The following MTERF4 variants were observed in gnomAD, a reference collection of about 807,000 sequenced individuals.
MTERF4 encodes mitochondrial transcription termination factor 4.
A neutral mutation model predicts 22.5 loss-of-function variants in MTERF4; 17 were observed. That is an observed-to-expected ratio of 0.75 (90% confidence interval 0.52 to 1.13). The LOEUF is 1.13. MTERF4 is among the 50% of genes most tolerant of loss of function. The pLI is 0.00. For synonymous variants in MTERF4, 165 were observed against 175.3 expected, an observed-to-expected ratio of 0.94 and a Z score of 0.47; for missense variants, 420 against 466.8, an observed-to-expected ratio of 0.90 and a Z score of 0.92.
downstream of MTERF4, among the ~76,000 whole-genome samples, chr2:241,070,469 G>C (rs1262185800): frequency 2.0e-5 from 3 of 152,264 alleles, no homozygotes; most frequent in East Asian, 5.8e-4. Flanking sequence ...GTAGATCCCA[G>C]ACAGGCCGAG....
At chr2:241,064,569 C>T in the MTERF4 span, among the ~76,000 whole-genome samples, 1 of 152,178 alleles carries the variant, frequency 6.6e-6, no homozygotes, top group Admixed American at 6.5e-5. The surrounding 1 kb of genome is among the most constrained non-coding windows in gnomAD (Gnocchi z 7.0). Flanking sequence ...GCAGGACTGT[C>T]ACTGGGGTGG....
Position 241,073,108 on chromosome 2 carries a change from G to A in MTERF4, n.3054C>T. The A allele has an allele frequency of 1.7e-6, 1 of 601,556 alleles. No homozygotes were observed. The allele number at this position is 601,556 out of a possible 1,614,324, so 37.3% of individuals were successfully genotyped here. A position where few individuals can be genotyped will look rare whatever the true frequency, so the allele number is the denominator to read the frequency against. On this transcript the variant is annotated non_coding_transcript_exon_variant, in exon 5 of 5. Coordinates refer to the MTERF4 transcript ENST00000464344. The surrounding 1 kb of genome is among the most constrained non-coding windows in gnomAD (Gnocchi z 6.6). ...TGAGGCCAGCCCTTCAGGGGAGGCA[G>A]CTCTGGGGCCGACAGGTGCTGGGGC...
chr2:241,078,453 C>T (rs58581774), intron 4 of MTERF4, among the ~76,000 whole-genome samples: 50,987 of 150,956 alleles, frequency 0.34, 9,436 homozygotes, highest in African/African-American at 0.46. Context: ...CAATGGAACA[C>T]GATTCAACCA....
rs779826815 is a variant in MTERF4 at position 241,096,102 on chromosome 2, C to T, written c.1042G>A (p.Glu348Lys). ...SLDEDEDDDD[E>K]EDNDEDDNDE... ...TTGTCATCCTCATCATTGTCCTCCT[C>T]ATCATCGTCATCCTCATCCTCATCC... Residue 348 changes from glutamate (E) to lysine (K), a missense_variant, in exon 4 of 4, where the codon GAG (glutamate) becomes AAG (lysine). Glu to Lys is a moderately conservative substitution (Grantham distance 56). Coordinates refer to ENST00000391980, the MANE Select transcript of MTERF4 (RefSeq NM_182501.4). This position sits in a 1 kb window ranked among gnomAD's most constrained non-coding sequence, Gnocchi z 5.1. 34 of 1,603,780 alleles carry T rather than the reference C, an allele frequency of 2.1e-5. 1 individual carries two copies. The South Asian group carries it at 3.5e-4, about 17-fold the overall frequency.
the MTERF4 span, among the ~76,000 whole-genome samples, chr2:241,059,382 G>A: frequency 6.6e-6 from 1 of 152,122 alleles, no homozygotes; most frequent in South Asian, 2.1e-4. Context: ...AATCTAGGAG[G>A]GAAGAACACT....
chr2:241,073,477 T>TC lies in MTERF4; in HGVS notation n.2684_2685insG. 3.4e-6 allele frequency: 3 copies of TC among 872,318 alleles called. No individual in the cohort carries two copies. The highest frequency in any genetic ancestry group is 5.6e-6 in the Non-Finnish European group (3 of 531,550). The allele number at this position is 872,318 out of a possible 1,614,324, so 54.0% of individuals were successfully genotyped here. On this transcript the variant is annotated non_coding_transcript_exon_variant, in exon 5 of 5. Transcript: ENST00000464344. This position sits in a 1 kb window ranked among gnomAD's most constrained non-coding sequence, Gnocchi z 6.6. ...GTGAGGAATCAGGAGGCACAGAGCC[T>TC]ACCTGAGGGGAGGCTGAGCACCAGG... is the stretch of plus-strand genomic sequence containing the variant.
chr2:241,073,247 A>T lies in MTERF4; in HGVS notation n.2915T>A. On this transcript the variant is annotated non_coding_transcript_exon_variant, in exon 5 of 5. Coordinates refer to the MTERF4 transcript ENST00000464344. The surrounding 1 kb of genome is among the most constrained non-coding windows in gnomAD (Gnocchi z 6.6). ...TGCAAAGCAGCTGCGCCGTGTGGTC[A>T]CCGCCTGGCTTCTCCTAGAACCCAC... is the stretch of plus-strand genomic sequence containing the variant. The T allele has an allele frequency of 6.5e-7, 1 of 1,544,866 alleles. No homozygotes were observed. Among genetic ancestry groups the T allele is most frequent in the Non-Finnish European group, 8.8e-7 (1 of 1,141,566 alleles).
chr2:241,048,349 C>T, the MTERF4 span: 1 of 1,611,016 alleles, frequency 6.2e-7, no homozygotes, highest in Non-Finnish European at 8.5e-7. Context: ...GCCTCTCGGC[C>T]CCTTGCCACA....
At chr2:241,080,367 T>C (rs1416376276) in intron 4 of MTERF4, among the ~76,000 whole-genome samples, 1 of 152,212 alleles carries the variant, frequency 6.6e-6, no homozygotes, top group Non-Finnish European at 1.5e-5. Flanking sequence ...AATGTGTTTA[T>C]TTTTTAAAGA....
At chr2:241,080,248 C>A (rs1011830542) in intron 4 of MTERF4, among the ~76,000 whole-genome samples, 2 of 152,204 alleles carry the variant, frequency 1.3e-5, no homozygotes, top group Non-Finnish European at 2.9e-5. Context: ...CGCGACACTG[C>A]ACTCCAGCCT....
chr2:241,078,642 G>A (rs1233436265), intron 4 of MTERF4, among the ~76,000 whole-genome samples: 2 of 151,764 alleles, frequency 1.3e-5, no homozygotes, highest in Non-Finnish European at 2.9e-5. Context: ...GGAGGGTGGA[G>A]GGGATGGGGA....
Position 241,073,468 on chromosome 2 carries a change from C to T in MTERF4, n.2694G>A, listed in dbSNP as rs1230490416. ...CCACCCACGGTGAGGAATCAGGAGG[C>T]ACAGAGCCTACCTGAGGGGAGGCTG... On this transcript the variant is annotated non_coding_transcript_exon_variant, in exon 5 of 5. Transcript: ENST00000464344. The surrounding 1 kb of genome is among the most constrained non-coding windows in gnomAD (Gnocchi z 6.6). 1 of 949,074 alleles carries T rather than the reference C, an allele frequency of 1.1e-6. No homozygotes were observed. Among genetic ancestry groups the T allele is most frequent in the Non-Finnish European group, 1.7e-6 (1 of 599,630 alleles). 58.8% of individuals were successfully genotyped at this position (949,074 alleles called of 1,614,324 possible).
chr2:241,088,465 C>T, downstream of MTERF4: 1 of 1,360,008 alleles, frequency 7.4e-7, no homozygotes, highest in Non-Finnish European at 1.1e-6. Context: ...GGCGACTGCC[C>T]AGCCCCGGGA....
the MTERF4 span, among the ~76,000 whole-genome samples, chr2:241,056,580 A>ATT: frequency 1.3e-4 from 14 of 111,218 alleles, 1 homozygote; most frequent in Non-Finnish European, 1.5e-4. Context: ...AATAAGTGAA[A>ATT]TTTTTTTTTT....
the MTERF4 span, among the ~76,000 whole-genome samples, chr2:241,055,516 A>G: frequency 6.6e-6 from 1 of 152,210 alleles, no homozygotes; most frequent in Non-Finnish European, 1.5e-5. Flanking sequence ...GTCACAGAAT[A>G]CCACCACTGT....
At chr2:241,089,249 T>C, downstream of MTERF4, 2 of 1,514,102 alleles carry the variant, frequency 1.3e-6, no homozygotes, top group Non-Finnish European at 1.8e-6. Flanking sequence ...CTAGGACAGC[T>C]TTGCTCTTCC....
downstream of MTERF4, chr2:241,088,179 C>A: frequency 1.7e-6 from 1 of 589,802 alleles, no homozygotes; most frequent in Non-Finnish European, 3.1e-6. Context: ...CTGCCTCAAG[C>A]CAGGCGGGCG....
At chr2:241,089,480 G>A (rs2063768067), downstream of MTERF4, 4 of 1,516,682 alleles carry the variant, frequency 2.6e-6, no homozygotes, top group Non-Finnish European at 3.5e-6. Flanking sequence ...CACCCCCTTG[G>A]GGGAAAGGTC....
chr2:241,058,766 C>T, the MTERF4 span, among the ~76,000 whole-genome samples: 50 of 152,126 alleles, frequency 3.3e-4, no homozygotes, highest in Non-Finnish European at 5.0e-4. Context: ...CTGGCTAACA[C>T]GGTGAAACCC....
Sources: allele counts gnomAD v4.1 joint callset (sites outside exome capture counted in the v4.1 genomes callset), GRCh38; gene constraint gnomAD v4.1.1; non-coding constraint Gnocchi (gnomAD v3.1); transcripts MANE v1.5; gene names NCBI Gene and HGNC (gene_info 2026-07-23, HGNC 2026-07-21).